COL19A1: variants seen among roughly 807,000 people sequenced by gnomAD.
The protein encoded by COL19A1 is collagen alpha-1(XIX) chain.
A neutral mutation model predicts 190.2 loss-of-function variants in COL19A1; 159 were observed. The observed-to-expected ratio is 0.84, with a 90% confidence interval of 0.73 to 0.95. The LOEUF is 0.95. Ranked by LOEUF, COL19A1 falls within the 40% of genes least tolerant of loss-of-function variation. The pLI, the probability that COL19A1 is intolerant of heterozygous loss-of-function variation, is 0.00. For synonymous variants in COL19A1, 509 were observed against 458.9 expected, an observed-to-expected ratio of 1.11 and a Z score of -1.39; for missense variants, 1,418 against 1,431.9, an observed-to-expected ratio of 0.99 and a Z score of 0.16.
intron 2 of COL19A1, among the ~76,000 whole-genome samples, chr6:69,883,705 A>T (rs1768719635): frequency 6.6e-6 from 1 of 152,070 alleles, no homozygotes; most frequent in Non-Finnish European, 1.5e-5. Flanking sequence ...TGTAACTTTG[A>T]TTTTCCCATT....
intron 11 of COL19A1, among the ~76,000 whole-genome samples, chr6:69,964,605 A>G (rs1263469525): frequency 6.6e-6 from 1 of 152,194 alleles, no homozygotes; most frequent in Non-Finnish European, 1.5e-5. Flanking sequence ...TTAGAAAACC[A>G]TTCACCGTAT....
At chr6:70,047,072 G>A (rs775232424) in intron 14 of COL19A1, among the ~76,000 whole-genome samples, 3 of 151,998 alleles carry the variant, frequency 2.0e-5, no homozygotes, top group African/African-American at 7.2e-5. Context: ...TCATTGTCAC[G>A]TATTGAGTTG....
intron 11 of COL19A1, among the ~76,000 whole-genome samples, chr6:69,982,328 G>A (rs796127838): frequency 2.0e-4 from 31 of 151,714 alleles, no homozygotes; most frequent in African/African-American, 7.5e-4. Context: ...TGCTACCTCC[G>A]CCTCCCAGGT....
intron 11 of COL19A1, among the ~76,000 whole-genome samples, chr6:69,966,225 G>A (rs1221728657): frequency 6.6e-6 from 1 of 152,138 alleles, no homozygotes; most frequent in Non-Finnish European, 1.5e-5. Context: ...CCCCGTCTGG[G>A]AAGTGAGGAG....
At chr6:69,885,304 A>C (rs904103934) in intron 2 of COL19A1, among the ~76,000 whole-genome samples, 3 of 152,208 alleles carry the variant, frequency 2.0e-5, no homozygotes, top group African/African-American at 7.2e-5. Flanking sequence ...CTTTTGAAAA[A>C]GATCTGTTAA....
At position 69,921,424 on chromosome 6, in the gene COL19A1, T is replaced by C. The variant is rs1488715775; in HGVS notation, c.267-6485T>C. On this transcript the variant is annotated intron_variant, in intron 4 of 50. Transcript: ENST00000620364. ...TATCATATATATCATATATCATATA[T>C]ATCATATATATCATATATATCATAT... Among the ~76,000 whole-genome samples the C allele has an allele frequency of 5.3e-5, 6 of 113,326 alleles. 1 individual carries two copies. The highest frequency in any genetic ancestry group is 2.5e-4 in the African/African-American group (6 of 23,910). 74.3% of individuals were successfully genotyped at this position (113,326 alleles called of 152,430 possible).
At chr6:70,031,939 A>G (rs1278252327) in intron 12 of COL19A1, among the ~76,000 whole-genome samples, 1 of 152,168 alleles carries the variant, frequency 6.6e-6, no homozygotes, top group East Asian at 1.9e-4. Flanking sequence ...AATCGTTGAC[A>G]CTTGTTTTTA....
chr6:70,045,821 A>G (rs1043088369), intron 14 of COL19A1, among the ~76,000 whole-genome samples: 1 of 152,166 alleles, frequency 6.6e-6, no homozygotes, highest in Non-Finnish European at 1.5e-5. Flanking sequence ...TAGGCTTTCT[A>G]TTTAGCTAAC....
intron 18 of COL19A1, among the ~76,000 whole-genome samples, chr6:70,133,630 C>T (rs1400720941): frequency 6.6e-6 from 1 of 152,172 alleles, no homozygotes; most frequent in Admixed American, 6.5e-5. Context: ...GTGAGGAAGA[C>T]TGTCAGGGAA....
chr6:69,896,016 T>C (rs887158263), intron 2 of COL19A1, among the ~76,000 whole-genome samples: 16 of 152,216 alleles, frequency 1.1e-4, no homozygotes, highest in African/African-American at 3.1e-4. Flanking sequence ...ATACAGTTCA[T>C]ATATATTTAG....
intron 5 of COL19A1, among the ~76,000 whole-genome samples, chr6:69,928,642 T>C (rs1448347812): frequency 1.3e-5 from 2 of 151,914 alleles, no homozygotes; most frequent in South Asian, 4.2e-4. Context: ...TAGTGTTGGG[T>C]GTGGACAATG....
chr6:70,105,909 CATT>C (rs1783929049), intron 16 of COL19A1, among the ~76,000 whole-genome samples: 2 of 152,114 alleles, frequency 1.3e-5, no homozygotes, highest in Non-Finnish European at 2.9e-5. Flanking sequence ...ATCATTTAAA[CATT>C]ATGTTTGAGC....
In COL19A1 at chr6:70,035,920, C is replaced by T; in HGVS notation, c.1151C>T (p.Pro384Leu). The T allele has an allele frequency of 6.2e-7, 1 of 1,613,468 alleles. No homozygotes were observed. Among genetic ancestry groups the T allele is most frequent in the Non-Finnish European group, 8.5e-7 (1 of 1,179,492 alleles). The part of the protein sequence containing the change: ...PKGEKGDTGP[P>L]GPPALPGSLG... ...CTATTTTAGGGAGATACAGGACCCCCAGGACCACCAGCCTTACCTGTAAGT... is the reference window on the plus strand; with the variant it reads ...CTATTTTAGGGAGATACAGGACCCCTAGGACCACCAGCCTTACCTGTAAGT... Residue 384 changes from proline (P) to leucine (L), a missense_variant, in exon 14 of 51, where the codon CCA becomes CTA. Transcript: ENST00000620364.
intron 16 of COL19A1, among the ~76,000 whole-genome samples, chr6:70,118,934 T>C (rs1784734927): frequency 1.3e-5 from 2 of 152,174 alleles, no homozygotes; most frequent in South Asian, 4.1e-4. Context: ...GAGAAGTATA[T>C]ACTTTGCTTA....
intron 3 of COL19A1, among the ~76,000 whole-genome samples, chr6:69,899,430 G>A (rs890449744): frequency 6.6e-6 from 1 of 152,120 alleles, no homozygotes; most frequent in Non-Finnish European, 1.5e-5. Flanking sequence ...TGGGATTGCA[G>A]GCGTGAGCCA....
intron 14 of COL19A1, among the ~76,000 whole-genome samples, chr6:70,053,737 CT>C (rs36016317): frequency 6.6e-6 from 1 of 151,066 alleles, no homozygotes; most frequent in Non-Finnish European, 1.5e-5. Context: ...AACGTTCAGT[CT>C]TTTTTGTCAA....
chr6:70,168,763 C>T, intron 40 of COL19A1, 82 bp downstream of exon 40: 1 of 1,473,854 alleles, frequency 6.8e-7, no homozygotes, highest in East Asian at 2.3e-5. Flanking sequence ...GCAAAATGGC[C>T]TGCCTTCTTA....
chr6:70,146,633 A>G, intron 25 of COL19A1, 26 bp from the exon 26 acceptor site: 2 of 1,580,102 alleles, frequency 1.3e-6, no homozygotes, highest in Non-Finnish European at 1.7e-6. Flanking sequence ...AGAAGAAGAT[A>G]TGTATTCATA....
intron 48 of COL19A1, among the ~76,000 whole-genome samples, chr6:70,195,402 G>A (rs1163957133): frequency 6.6e-6 from 1 of 152,040 alleles, no homozygotes; most frequent in African/African-American, 2.4e-5. Flanking sequence ...CTTTTTAAGT[G>A]AGGGACCCTT....
Sources: allele counts gnomAD v4.1 joint callset (sites outside exome capture counted in the v4.1 genomes callset), GRCh38; gene constraint gnomAD v4.1.1; transcripts MANE v1.5; gene names NCBI Gene and HGNC (gene_info 2026-07-23, HGNC 2026-07-21).